ARHGEF11: variants seen among roughly 807,000 people sequenced by gnomAD.
The protein encoded by ARHGEF11 is Rho guanine nucleotide exchange factor 11, also known as Rho guanine exchange factor (GEF) 11.
ARHGEF11 carries 55 observed loss-of-function variants against 193.7 expected under a neutral mutation model. The ratio of observed to expected loss-of-function variants is 0.28; its 90% CI spans 0.23 to 0.36. The LOEUF (loss-of-function observed/expected upper bound fraction) is 0.36. ARHGEF11 is among the 10% of genes least tolerant of loss of function. The pLI is 1.00. For missense variants in ARHGEF11, 1,723 were observed against 2,005.6 expected (o/e 0.86, Z 2.69); for synonymous variants, 693 against 768.0 (o/e 0.90, Z 1.62).
intron 10 of ARHGEF11, among the ~76,000 whole-genome samples, chr1:156,968,612 C>A (rs1028345560): frequency 3.9e-5 from 6 of 152,202 alleles, no homozygotes; most frequent in South Asian, 2.1e-4. Context: ...AAATAAAATT[C>A]CAATTGTGAT....
At position 157,032,652 on chromosome 1, in the gene ARHGEF11, G is replaced by A. The variant is rs1027283102; in HGVS notation, c.32+11647C>T. Among the ~76,000 whole-genome samples, 3 of 151,820 alleles carry A rather than the reference G, an allele frequency of 2.0e-5. No individual in the cohort carries two copies. The South Asian group carries it at 6.2e-4, about 32-fold the overall frequency. On this transcript the variant is annotated intron_variant, in intron 1 of 40. Transcript: ENST00000368194. ...CGACATTTTTTTTTTCCTTTCTGAT[G>A]AAACTTCATGAAAGAATTGACTAGA... is the stretch of plus-strand genomic sequence containing the variant.
chr1:156,945,068 T>C lies in ARHGEF11; in HGVS notation c.2942A>G (p.Asp981Gly). 6.2e-7 allele frequency: 1 copy of C among 1,614,196 alleles called. No homozygotes were observed. Among genetic ancestry groups the C allele is most frequent in the Non-Finnish European group, 8.5e-7 (1 of 1,180,024 alleles). Residue 981 changes from aspartate (D) to glycine (G), a missense_variant, in exon 30 of 41, where the codon GAT (aspartate) becomes GGT (glycine). Physicochemically the swap from Asp to Gly is moderately conservative, Grantham distance 94. This residue lies in a region of ARHGEF11 where 491 missense variants were observed against 654.5 expected (regional missense o/e 0.75). Transcript: ENST00000368194. ...HRLEGYQKRL[D>G]ATALERASNP... The stretch of plus-strand genomic sequence containing the variant: ...GCTGGCCCTCTCCAGGGCGGTGGCA[T>C]CCAGGCGTTTCTGGTAGCCCTCTAA...
At chr1:156,970,102 T>C in intron 8 of ARHGEF11, 59 bp from the exon 9 acceptor site, 2 of 1,492,764 alleles carry the variant, frequency 1.3e-6, no homozygotes, top group Non-Finnish European at 1.9e-6. Flanking sequence ...CCTACGGTTT[T>C]CTTTCACCAA....
At chr1:157,004,153 C>T (rs75862775) in intron 1 of ARHGEF11, among the ~76,000 whole-genome samples, 585 of 152,310 alleles carry the variant, frequency 3.8e-3, no homozygotes, top group African/African-American at 0.013. Flanking sequence ...TTTAACCATA[C>T]AACTCTTTAC....
chr1:156,961,285 T>C (rs1008625218), intron 14 of ARHGEF11, among the ~76,000 whole-genome samples: 1 of 152,222 alleles, frequency 6.6e-6, no homozygotes, highest in African/African-American at 2.4e-5. Flanking sequence ...CAGACTGAGC[T>C]TCAGAAACCT....
rs561438349 is a variant in ARHGEF11 at position 156,945,317 on chromosome 1, T to C, written c.2813-120A>G. Reference sequence around the variant, plus strand: ...CTTGCTTCAAACCAGCAGGCGTGGGTGGAGGGGAGCCACCCTTGCCTCACA... The same window carrying C: ...CTTGCTTCAAACCAGCAGGCGTGGGCGGAGGGGAGCCACCCTTGCCTCACA... On this transcript the variant is annotated intron_variant, in intron 29 of 40. Transcript: ENST00000368194. The C allele has an allele frequency of 4.5e-4, 517 of 1,159,640 alleles. 7 individuals carry two copies. In the South Asian group the frequency reaches 7.4e-3, roughly 17 times the overall value. The allele number at this position is 1,159,640 out of a possible 1,614,324, so 71.8% of individuals were successfully genotyped here. A position where few individuals can be genotyped will look rare whatever the true frequency, so the allele number is the denominator to read the frequency against.
intron 15 of ARHGEF11, among the ~76,000 whole-genome samples, chr1:156,959,395 A>G (rs1231939853): frequency 3.9e-5 from 6 of 152,228 alleles, no homozygotes; most frequent in African/African-American, 1.4e-4. Context: ...CTCCATTAAG[A>G]GAAGTATTAA....
rs754608820 is a variant in ARHGEF11, at chr1:156,948,065, G to C, written c.2154-109C>G. 1 of 1,540,174 alleles carries C rather than the reference G, an allele frequency of 6.5e-7. No homozygotes were observed. Among genetic ancestry groups the C allele is most frequent in the Non-Finnish European group, 8.8e-7 (1 of 1,136,586 alleles). On this transcript the variant is annotated intron_variant, in intron 24 of 40. Transcript: ENST00000368194. This position sits in a 1 kb window ranked among gnomAD's most constrained non-coding sequence, Gnocchi z 4.2. Reference sequence around the variant, plus strand: ...CTTGCCCCATGCACATGGGAAACCAGTGGGCCCAGAAGAGGAGACAGCCAC... The same window carrying C: ...CTTGCCCCATGCACATGGGAAACCACTGGGCCCAGAAGAGGAGACAGCCAC...
At chr1:157,013,835 C>T (rs1668864822) in intron 1 of ARHGEF11, among the ~76,000 whole-genome samples, 2 of 152,248 alleles carry the variant, frequency 1.3e-5, no homozygotes, top group Non-Finnish European at 1.5e-5. Flanking sequence ...CAGGTATCAA[C>T]GTCCTCTCAG....
At chr1:156,949,849 C>G (rs1658809673) in intron 22 of ARHGEF11, among the ~76,000 whole-genome samples, 1 of 152,146 alleles carries the variant, frequency 6.6e-6, no homozygotes, top group South Asian at 2.1e-4. Context: ...CCTTCTAGAA[C>G]TGGGGCATCT....
chr1:156,977,877 C>A (rs1663480434), intron 6 of ARHGEF11, among the ~76,000 whole-genome samples: 2 of 152,220 alleles, frequency 1.3e-5, no homozygotes. Flanking sequence ...CAGATGCATT[C>A]TGCCCCTGCC....
chr1:156,937,361 C>G lies in ARHGEF11; in HGVS notation c.4328G>C (p.Gly1443Ala). ...GCTGGGGCGTCTTGGATCATCGTTG[C>G]CTCCCTGCAGCTGAGGCTGAGGCTC... is the stretch of plus-strand genomic sequence containing the variant. ...QTEPQPQLQGGNDDPRRPSRS... is the reference protein window; with the variant it reads ...QTEPQPQLQGANDDPRRPSRS... The change falls in exon 39 of 41, where the codon GGC becomes GCC. Residue 1443 changes from glycine to alanine, a missense_variant. By Grantham distance (60) the Gly-to-Ala change is moderately conservative (BLOSUM62 0). This residue lies in a region of ARHGEF11 where 360 missense variants were observed against 344.4 expected (regional missense o/e 1.05). Coordinates refer to ENST00000368194, the MANE Select transcript of ARHGEF11 (RefSeq NM_198236.3). 1 of 1,611,954 alleles carries G rather than the reference C, an allele frequency of 6.2e-7. No homozygotes were observed. Among genetic ancestry groups the G allele is most frequent in the Non-Finnish European group, 8.5e-7 (1 of 1,178,992 alleles).
At position 156,996,704 on chromosome 1, in the gene ARHGEF11, C is replaced by T. The variant is rs946917501; in HGVS notation, c.33-10531G>A. ...AGGAGAATGGCGTGAACCCGGGGGG[C>T]GGAGCTTGCAGTGAGCCGAGATCAC... On this transcript the variant is annotated intron_variant, in intron 1 of 40. Coordinates refer to ENST00000368194, the MANE Select transcript of ARHGEF11 (RefSeq NM_198236.3). Among the ~76,000 whole-genome samples the T allele has an allele frequency of 8.2e-5, 11 of 133,692 alleles. No homozygotes were observed. In the Admixed American group the frequency reaches 8.5e-4, roughly 10 times the overall value. The allele number at this position is 133,692 out of a possible 152,430, so 87.7% of individuals were successfully genotyped here.
chr1:156,958,676 A>G, intron 17 of ARHGEF11, 66 bp downstream of exon 17: 3 of 1,604,312 alleles, frequency 1.9e-6, no homozygotes, highest in Non-Finnish European at 2.6e-6. Context: ...TTGAAAGAAC[A>G]GACCCACAAA....
chr1:156,936,520 ATATAT>A, intron 40 of ARHGEF11, among the ~76,000 whole-genome samples: 2 of 135,696 alleles, frequency 1.5e-5, no homozygotes, highest in African/African-American at 5.7e-5. Flanking sequence ...ATATATATAT[ATATAT>A]AAAATTAAAA....
chr1:156,969,963 T>C (rs1662283683), intron 9 of ARHGEF11, 35 bp downstream of exon 9: 1 of 1,610,446 alleles, frequency 6.2e-7, no homozygotes, highest in African/African-American at 1.3e-5. Flanking sequence ...GGACTAGAGA[T>C]ATGCCAGAGA....
At chr1:156,942,272 T>C (rs1229668572) in intron 33 of ARHGEF11, among the ~76,000 whole-genome samples, 2 of 152,220 alleles carry the variant, frequency 1.3e-5, no homozygotes, top group East Asian at 1.9e-4. Flanking sequence ...ATTTTACAGA[T>C]GAAAACCCTG....
At position 156,979,267 on chromosome 1, in the gene ARHGEF11, G is replaced by C. The variant is rs774156564; in HGVS notation, c.293C>G (p.Thr98Ser). 1 of 1,613,620 alleles carries C rather than the reference G, an allele frequency of 6.2e-7. No homozygotes were observed. The highest frequency in any genetic ancestry group is 1.7e-5 in the Admixed American group (1 of 60,000). Residue 98 changes from threonine to serine, a missense_variant, in exon 5 of 41, where the codon ACC (threonine) becomes AGC (serine). Around this residue, in one of 5 missense-constraint regions of ARHGEF11, gnomAD observed 646 missense variants for 710.7 expected, o/e 0.91. Transcript: ENST00000368194. ...TACCACTTCCAGGTGTGAGCTATTGGTCACCATGGTGCCGTTGACCTGTTG... is the reference window on the plus strand; with the variant it reads ...TACCACTTCCAGGTGTGAGCTATTGCTCACCATGGTGCCGTTGACCTGTTG... ...RIIKVNGTMV[T>S]NSSHLEVVKL...
chr1:157,001,119 C>T (rs1053490109), intron 1 of ARHGEF11, among the ~76,000 whole-genome samples: 1 of 152,162 alleles, frequency 6.6e-6, no homozygotes, highest in Non-Finnish European at 1.5e-5. Context: ...AAGCATCTGA[C>T]TTATGCTATC....
Sources: gnomAD v4.1 joint callset for allele counts (sites outside exome capture counted in the v4.1 genomes callset) on GRCh38, gnomAD v4.1.1 for gene constraint, gnomAD v4.1.1 regional missense constraint, Gnocchi (gnomAD v3.1) non-coding constraint, MANE v1.5 for transcripts, NCBI Gene and HGNC (gene_info 2026-07-23, HGNC 2026-07-21) for gene names.